The following RABGAP1L variants were observed in gnomAD, a reference collection of about 807,000 sequenced individuals.
RABGAP1L encodes the protein rab GTPase-activating protein 1-like.
In RABGAP1L, 63 loss-of-function variants were observed where a neutral mutation model predicts 137.7. That is an observed-to-expected ratio of 0.46 (90% CI 0.37 to 0.56). The LOEUF is 0.56. RABGAP1L is among the 20% of genes least tolerant of loss of function. The pLI is 0.00. For synonymous variants in RABGAP1L, 431 were observed against 433.7 expected, an observed-to-expected ratio of 0.99 and a Z score of 0.08; for missense variants, 1,095 against 1,244.0, an observed-to-expected ratio of 0.88 and a Z score of 1.80.
At chr1:174,784,005 C>A (rs1459518857) in intron 18 of RABGAP1L, among the ~76,000 whole-genome samples, 1 of 122,814 alleles carries the variant, frequency 8.1e-6, no homozygotes, top group Admixed American at 8.7e-5. Context: ...TTTTCTTCTT[C>A]TTCTTCTTTT....
chr1:174,580,846 A>G (rs1668693128), intron 13 of RABGAP1L, among the ~76,000 whole-genome samples: 1 of 152,214 alleles, frequency 6.6e-6, no homozygotes, highest in Non-Finnish European at 1.5e-5. Context: ...ATGTAACCCA[A>G]CTGAAAAATT....
At position 174,416,019 on chromosome 1, in the gene RABGAP1L, C is replaced by CATATATATAT. The variant is rs143285036; in HGVS notation, c.1710+21882_1710+21891dup. On this transcript the variant is annotated intron_variant, in intron 13 of 25. Transcript: ENST00000681986. ...TTAAGGAATTTCCCTAGAAAATTTA[C>CATATATATAT]ATATATATATATATATACACACACA... Among the ~76,000 whole-genome samples, 332 of 129,086 alleles carry CATATATATAT rather than the reference C, an allele frequency of 2.6e-3. 25 individuals carry two copies. The highest frequency in any genetic ancestry group is 0.01 in the African/African-American group (285 of 27,366). 84.7% of individuals were successfully genotyped at this position (129,086 alleles called of 152,430 possible).
At chr1:174,548,988 A>G (rs1300682347) in intron 13 of RABGAP1L, among the ~76,000 whole-genome samples, 1 of 152,220 alleles carries the variant, frequency 6.6e-6, no homozygotes, top group Non-Finnish European at 1.5e-5. Flanking sequence ...AGTGGCCGAT[A>G]CTTGAAATTG....
chr1:174,771,811 AT>A (rs1459956095), intron 18 of RABGAP1L, among the ~76,000 whole-genome samples: 2 of 152,236 alleles, frequency 1.3e-5, no homozygotes, highest in African/African-American at 4.8e-5. Flanking sequence ...TCTCAAATGC[AT>A]TTTTTAAATG....
At chr1:174,669,811 G>T (rs1677047662) in intron 14 of RABGAP1L, among the ~76,000 whole-genome samples, 1 of 152,034 alleles carries the variant, frequency 6.6e-6, no homozygotes, top group Non-Finnish European at 1.5e-5. Flanking sequence ...TTATTTCCAG[G>T]CCCTCTATTC....
At chr1:174,752,382 C>T (rs184307723) in intron 18 of RABGAP1L, 28 bp downstream of exon 18, 5 of 1,493,408 alleles carry the variant, frequency 3.3e-6, no homozygotes, top group East Asian at 4.7e-5. Flanking sequence ...TCTTAAGTTA[C>T]CACATTCTCT....
At chr1:174,989,130 A>C (rs574450157) in intron 25 of RABGAP1L, among the ~76,000 whole-genome samples, 1 of 152,184 alleles carries the variant, frequency 6.6e-6, no homozygotes, top group African/African-American at 2.4e-5. Context: ...CCTTTCTCAC[A>C]GAATGTGGTC....
intron 13 of RABGAP1L, among the ~76,000 whole-genome samples, chr1:174,464,874 A>G (rs990457433): frequency 6.6e-6 from 1 of 152,074 alleles, no homozygotes; most frequent in Non-Finnish European, 1.5e-5. Flanking sequence ...AGGTTAACTG[A>G]TAACTTATGG....
chr1:174,734,954 CTTTTTTT>C (rs756783714), intron 17 of RABGAP1L, among the ~76,000 whole-genome samples: 11 of 96,108 alleles, frequency 1.1e-4, no homozygotes, highest in East Asian at 8.6e-4. Flanking sequence ...GGATCTCTCT[CTTTTTTT>C]TTTTTTTTTT....
At chr1:174,550,857 A>AATATATATATATATATATATAT (rs1216100934) in intron 13 of RABGAP1L, among the ~76,000 whole-genome samples, 2 of 61,836 alleles carry the variant, frequency 3.2e-5, no homozygotes, top group Non-Finnish European at 5.4e-5. Context: ...GTCTCTGCTA[A>AATATATATATATATATATATAT]ATATATATAT....
chr1:174,361,669 G>GT lies in RABGAP1L; in HGVS notation c.1466-9303dup, dbSNP rs966200102. Among the ~76,000 whole-genome samples the GT allele has an allele frequency of 6.6e-5, 10 of 152,092 alleles. No homozygotes were observed. The South Asian group carries it at 1.5e-3, about 22-fold the overall frequency. On this transcript the variant is annotated intron_variant, in intron 11 of 25. Transcript: ENST00000681986. ...TTTATTGAATTTATCAGTTCTAGTG[G>GT]TTTTTTTAGTGGAGACTTCAGTTTT...
Position 174,451,078 on chromosome 1 carries a change from G to A in RABGAP1L, c.1710+56933G>A, listed in dbSNP as rs139416174. On this transcript the variant is annotated intron_variant, in intron 13 of 25. Transcript: ENST00000681986. ...GTTTAATAAAACACTTAGGACAAGA[G>A]TTTACTTTTTTGGGAATCAAAATCT... Among the ~76,000 whole-genome samples, 424 of 152,236 alleles carry A rather than the reference G, an allele frequency of 2.8e-3. 1 individual carries two copies. The highest frequency in any genetic ancestry group is 9.5e-3 in the South Asian group (46 of 4,820).
At chr1:174,913,015 G>A (rs896741536) in intron 19 of RABGAP1L, among the ~76,000 whole-genome samples, 3 of 149,516 alleles carry the variant, frequency 2.0e-5, no homozygotes, top group African/African-American at 2.5e-5. Context: ...TCACTCTGTC[G>A]CCCAGGTTAG....
At chr1:174,808,595 A>G (rs1447522113) in intron 18 of RABGAP1L, among the ~76,000 whole-genome samples, 6 of 152,096 alleles carry the variant, frequency 3.9e-5, no homozygotes, top group Non-Finnish European at 5.9e-5. Flanking sequence ...CTTATACCTT[A>G]AATTATTTCA....
At chr1:174,708,911 A>G (rs1320742001) in intron 17 of RABGAP1L, among the ~76,000 whole-genome samples, 1 of 152,170 alleles carries the variant, frequency 6.6e-6, no homozygotes. Context: ...CCAACAAGCT[A>G]AGATTCACTG....
chr1:174,614,198 G>C (rs796909495), intron 13 of RABGAP1L, among the ~76,000 whole-genome samples: 1 of 152,120 alleles, frequency 6.6e-6, no homozygotes, highest in Non-Finnish European at 1.5e-5. Flanking sequence ...GCTGGTACCG[G>C]TTGTTCCTTT....
chr1:174,304,411 G>C (rs116427604), intron 10 of RABGAP1L, among the ~76,000 whole-genome samples: 2,551 of 151,394 alleles, frequency 0.017, 73 homozygotes, highest in African/African-American at 0.058. Flanking sequence ...GATTCGATTT[G>C]CTAATATATA....
In RABGAP1L at chr1:174,828,599, C is replaced by T. The variant is rs572488012; in HGVS notation, c.2340+16639C>T. Among the ~76,000 whole-genome samples the T allele has an allele frequency of 1.2e-4, 18 of 148,576 alleles. 1 individual carries two copies. The South Asian group carries it at 2.4e-3, about 20-fold the overall frequency. On this transcript the variant is annotated intron_variant, in intron 19 of 25. Transcript: ENST00000681986. ...CTTGATCTCCTTCGAGTATGAGTTTCCTCATCGTGAAACAAGGCTAATACC... is the reference window on the plus strand; with the variant it reads ...CTTGATCTCCTTCGAGTATGAGTTTTCTCATCGTGAAACAAGGCTAATACC...
At chr1:174,203,024 T>G (rs1056941744) in intron 1 of RABGAP1L, among the ~76,000 whole-genome samples, 2 of 152,254 alleles carry the variant, frequency 1.3e-5, no homozygotes, top group Non-Finnish European at 2.9e-5. Context: ...ATCCCACTTG[T>G]CCTTTTTTTC....
Sources: gnomAD v4.1 joint callset for allele counts (sites outside exome capture counted in the v4.1 genomes callset) on GRCh38, gnomAD v4.1.1 for gene constraint, MANE v1.5 for transcripts, NCBI Gene and HGNC (gene_info 2026-07-23, HGNC 2026-07-21) for gene names.